The following TENM1 variants were observed in gnomAD, a reference collection of about 807,000 sequenced individuals.
TENM1 encodes the protein teneurin-1.
TENM1 carries 35 observed loss-of-function variants against 174.8 expected under a neutral mutation model. The ratio of observed to expected loss-of-function variants is 0.20; its 90% CI spans 0.15 to 0.27. The LOEUF is 0.27. TENM1 is among the 10% of genes least tolerant of loss of function. TENM1 has a pLI of 1.00. For missense variants in TENM1, 1,633 were observed against 2,130.1 expected, an observed-to-expected ratio of 0.77 and a Z score of 4.59; for synonymous variants, 781 against 798.7, an observed-to-expected ratio of 0.98 and a Z score of 0.37.
At chrX:124,409,046 T>C (rs1296717835) in intron 25 of TENM1, among the ~76,000 whole-genome samples, 1 of 110,108 alleles carries the variant, frequency 9.1e-6, no homozygotes, top group Non-Finnish European at 1.9e-5. Context: ...ATATGTGCCA[T>C]ATTTTCTTAA....
At chrX:124,886,542 T>G (rs867985524) in intron 3 of TENM1, among the ~76,000 whole-genome samples, 2,738 of 88,459 alleles carry the variant, frequency 0.031, 61 homozygotes, top group African/African-American at 0.07. Context: ...TATATATATA[T>G]ATATATAGAG....
intron 3 of TENM1, among the ~76,000 whole-genome samples, chrX:124,877,489 C>T (rs1272925653): frequency 8.1e-5 from 9 of 111,580 alleles, no homozygotes; most frequent in Non-Finnish European, 1.7e-4. Context: ...AAAGCTTGGC[C>T]CACATACTCA....
intron 11 of TENM1, among the ~76,000 whole-genome samples, chrX:124,629,112 A>G (rs1391451886): frequency 1.8e-5 from 2 of 112,507 alleles, no homozygotes. Flanking sequence ...TATCTTGTTT[A>G]TCTCTTTTTT....
chrX:124,531,453 T>C (rs1220034257), intron 15 of TENM1, among the ~76,000 whole-genome samples: 5 of 111,664 alleles, frequency 4.5e-5, no homozygotes, highest in African/African-American at 1.6e-4. Flanking sequence ...TCAGAGGAAT[T>C]GGTTATAAGT....
chrX:125,186,801 C>G, the TENM1 span, among the ~76,000 whole-genome samples: 1 of 111,428 alleles, frequency 9.0e-6, no homozygotes, highest in Non-Finnish European at 1.9e-5. Context: ...TATGGCATGA[C>G]GAATAGACTA....
At chrX:124,833,183 CAA>C (rs972270430) in intron 3 of TENM1, among the ~76,000 whole-genome samples, 19 of 111,758 alleles carry the variant, frequency 1.7e-4, no homozygotes, top group Admixed American at 1.4e-3. Context: ...TAAATCAGTT[CAA>C]GAGGTGTTTA....
chrX:124,518,884 G>A (rs1437658541), intron 18 of TENM1, among the ~76,000 whole-genome samples: 1 of 111,938 alleles, frequency 8.9e-6, no homozygotes, highest in Non-Finnish European at 1.9e-5. Context: ...CAACTTTCAC[G>A]GCAGCCTAAT....
the TENM1 span, among the ~76,000 whole-genome samples, chrX:125,159,412 A>G: frequency 1.8e-5 from 2 of 112,170 alleles, no homozygotes; most frequent in African/African-American, 3.2e-5. Context: ...TGAGCCTGAC[A>G]AATATATGGT....
chrX:124,516,878 G>A (rs1054488701), intron 18 of TENM1, among the ~76,000 whole-genome samples: 2 of 111,785 alleles, frequency 1.8e-5, no homozygotes, highest in African/African-American at 6.5e-5. Context: ...ATTCACAATA[G>A]CAAAGACGTG....
chrX:125,000,666 G>GT, the TENM1 span, among the ~76,000 whole-genome samples: 2 of 111,607 alleles, frequency 1.8e-5, no homozygotes, highest in African/African-American at 6.5e-5. Context: ...AGTGAGTCTG[G>GT]TTTTTTACAT....
chrX:124,847,966 T>A (rs907745773), intron 3 of TENM1, among the ~76,000 whole-genome samples: 1 of 111,488 alleles, frequency 9.0e-6, no homozygotes, highest in Non-Finnish European at 1.9e-5. Context: ...AGTAATCTGA[T>A]AGATAACCTA....
At chrX:124,581,908 G>A (rs947711365) in intron 11 of TENM1, among the ~76,000 whole-genome samples, 3 of 110,965 alleles carry the variant, frequency 2.7e-5, no homozygotes, top group Admixed American at 1.9e-4. Flanking sequence ...TTTAAGTTCC[G>A]GGATGCATGT....
intron 25 of TENM1, among the ~76,000 whole-genome samples, chrX:124,406,856 A>G (rs1285797504): frequency 9.0e-6 from 1 of 111,669 alleles, no homozygotes; most frequent in Non-Finnish European, 1.9e-5. Flanking sequence ...AAAACCCAGC[A>G]GAGGGTGCTG....
intron 15 of TENM1, among the ~76,000 whole-genome samples, chrX:124,541,254 G>A (rs1386887433): frequency 3.6e-5 from 4 of 111,519 alleles, no homozygotes; most frequent in Non-Finnish European, 5.6e-5. Context: ...GTTTGTCCCC[G>A]TCCAAATTTC....
the TENM1 span, among the ~76,000 whole-genome samples, chrX:125,178,159 G>A: frequency 9.0e-5 from 10 of 111,429 alleles, no homozygotes; most frequent in African/African-American, 3.3e-4. Context: ...TTTCAAGGAA[G>A]TTTTGGCAGT....
intron 11 of TENM1, among the ~76,000 whole-genome samples, chrX:124,569,048 A>G (rs1473519892): frequency 9.0e-6 from 1 of 111,269 alleles, no homozygotes; most frequent in Admixed American, 9.6e-5. Flanking sequence ...TACAAAAAAT[A>G]CAAAAAATAG....
At chrX:124,850,520 C>T (rs921243340) in intron 3 of TENM1, among the ~76,000 whole-genome samples, 4 of 111,096 alleles carry the variant, frequency 3.6e-5, no homozygotes, top group African/African-American at 9.8e-5. Flanking sequence ...CAGAGCCGCA[C>T]ACTAGGATAT....
chrX:125,082,799 T>G, the TENM1 span, among the ~76,000 whole-genome samples: 2 of 111,087 alleles, frequency 1.8e-5, no homozygotes, highest in African/African-American at 3.3e-5. Context: ...TTTTTAAATT[T>G]TGTGTGTACA....
chrX:124,955,797 G>GCACACACA (rs376755403), intron 1 of TENM1, among the ~76,000 whole-genome samples: 54 of 91,249 alleles, frequency 5.9e-4, no homozygotes, highest in Non-Finnish European at 8.5e-4. Flanking sequence ...ACACGCGCAC[G>GCACACACA]CACACACACA....
Sources: gnomAD v4.1 joint callset for allele counts (sites outside exome capture counted in the v4.1 genomes callset) on GRCh38, gnomAD v4.1.1 for gene constraint, MANE v1.5 for transcripts, NCBI Gene and HGNC (gene_info 2026-07-23, HGNC 2026-07-21) for gene names.